NALCN: variants seen among roughly 807,000 people sequenced by gnomAD.
NALCN encodes the protein sodium leak channel, non-selective.
Under a neutral mutation model 225.3 loss-of-function variants are expected in NALCN, and 111 were observed. The ratio of observed to expected loss-of-function variants is 0.49; its 90% confidence interval spans 0.42 to 0.58. The LOEUF (loss-of-function observed/expected upper bound fraction) is 0.58. Among genes scored for constraint, NALCN ranks in the 20% least tolerant of loss-of-function variants. The pLI, the probability that NALCN is intolerant of heterozygous loss-of-function variation, is 0.00. For missense variants in NALCN, 1,378 were observed against 2,202.4 expected, an observed-to-expected ratio of 0.63 and a Z score of 7.49; for synonymous variants, 764 against 769.0, an observed-to-expected ratio of 0.99 and a Z score of 0.11.
chr13:101,358,397 G>C (rs1175219634), intron 6 of NALCN, among the ~76,000 whole-genome samples: 2 of 152,054 alleles, frequency 1.3e-5, no homozygotes, highest in African/African-American at 2.4e-5. Context: ...GATATGAACA[G>C]ACTCTTCTCA....
intron 39 of NALCN, 39 bp from the exon 40 acceptor site, chr13:101,065,600 C>T: frequency 6.3e-7 from 1 of 1,591,332 alleles, no homozygotes; most frequent in South Asian, 1.1e-5. Flanking sequence ...ATCATCAGGC[C>T]TCGATGATTC....
At chr13:101,147,417 C>A (rs1454577790) in intron 15 of NALCN, among the ~76,000 whole-genome samples, 2 of 143,364 alleles carry the variant, frequency 1.4e-5, no homozygotes. Context: ...TGCAGTGGTG[C>A]GATCTTGGCT....
intron 26 of NALCN, among the ~76,000 whole-genome samples, chr13:101,102,792 A>G (rs1212644168): frequency 6.6e-6 from 1 of 152,230 alleles, no homozygotes; most frequent in Non-Finnish European, 1.5e-5. Context: ...TGAGATTAGG[A>G]GCCCAAAAGC....
chr13:101,136,309 T>G (rs997097672), intron 17 of NALCN, among the ~76,000 whole-genome samples: 6 of 144 alleles, frequency 0.042, no homozygotes, highest in African/African-American at 0.15. Context: ...TTTATTTATT[T>G]ATTTATATAT....
intron 4 of NALCN, among the ~76,000 whole-genome samples, chr13:101,378,350 C>T (rs549806833): frequency 6.1e-4 from 93 of 152,112 alleles, no homozygotes; most frequent in South Asian, 1.7e-3. Context: ...TAAATACATA[C>T]AAGTATTACG....
intron 17 of NALCN, among the ~76,000 whole-genome samples, chr13:101,128,735 T>G (rs2036364709): frequency 6.6e-6 from 1 of 151,944 alleles, no homozygotes; most frequent in Admixed American, 6.6e-5. Flanking sequence ...GTAACATTTT[T>G]TTTTTTTTAA....
chr13:101,344,109 C>T (rs1295270497), intron 7 of NALCN, among the ~76,000 whole-genome samples: 4 of 152,268 alleles, frequency 2.6e-5, no homozygotes, highest in South Asian at 2.1e-4. Flanking sequence ...ATATACATCT[C>T]GCCTCCCATA....
intron 42 of NALCN, 86 bp from the exon 43 acceptor site, chr13:101,058,142 G>T: frequency 8.6e-7 from 1 of 1,158,406 alleles, no homozygotes; most frequent in South Asian, 1.4e-5. Context: ...ACACATGGCA[G>T]GAGGACAAGT....
chr13:101,057,777 G>A, intron 43 of NALCN, 162 bp downstream of exon 43: 1 of 665,338 alleles, frequency 1.5e-6, no homozygotes, highest in Non-Finnish European at 2.7e-6. Context: ...AGTTATTTTG[G>A]GGGACAATGT....
intron 43 of NALCN, 164 bp downstream of exon 43, chr13:101,057,775 T>TG: frequency 3.0e-6 from 2 of 661,256 alleles, no homozygotes; most frequent in South Asian, 3.4e-5. Context: ...GAAGTTATTT[T>TG]GGGGGACAAT....
At chr13:101,199,731 T>C (rs112877794) in intron 13 of NALCN, among the ~76,000 whole-genome samples, 6,957 of 151,672 alleles carry the variant, frequency 0.046, 390 homozygotes, top group African/African-American at 0.13. Context: ...CACACTAACA[T>C]GGCACATGTA....
chr13:101,284,735 T>C (rs2139011592), intron 9 of NALCN, among the ~76,000 whole-genome samples: 1 of 152,346 alleles, frequency 6.6e-6, no homozygotes, highest in South Asian at 2.1e-4. Context: ...AAATTCAAGA[T>C]GCTACAGGCC....
intron 17 of NALCN, among the ~76,000 whole-genome samples, chr13:101,141,229 G>T (rs1243044450): frequency 6.6e-6 from 1 of 152,116 alleles, no homozygotes; most frequent in East Asian, 1.9e-4. Flanking sequence ...AAGCTGAAAA[G>T]ACTCTAGTTG....
intron 14 of NALCN, among the ~76,000 whole-genome samples, chr13:101,178,032 T>C (rs190933454): frequency 9.4e-4 from 141 of 150,504 alleles, no homozygotes; most frequent in African/African-American, 3.2e-3. Flanking sequence ...AACATCACCA[T>C]GACTGGTACA....
intron 30 of NALCN, among the ~76,000 whole-genome samples, 153 bp from the exon 31 acceptor site, chr13:101,083,957 T>A (rs781043459): frequency 5.3e-5 from 8 of 152,174 alleles, no homozygotes; most frequent in Non-Finnish European, 1.0e-4. Flanking sequence ...ATGGTCAGAA[T>A]GCTCAAAGTT....
At chr13:101,207,434 C>A (rs1438209411) in intron 13 of NALCN, among the ~76,000 whole-genome samples, 2 of 152,098 alleles carry the variant, frequency 1.3e-5, no homozygotes, top group African/African-American at 4.8e-5. Context: ...TGATTTTATT[C>A]TGTTAGGCTT....
In NALCN at chr13:101,245,508, T is replaced by C. The variant is rs572398183; in HGVS notation, c.1267-7586A>G. ...CCATATTATATATCTTTTTACATAC[T>C]CTACTTTGGTTATTTGGTCTACAAG... On this transcript the variant is annotated intron_variant, in intron 11 of 43. Transcript: ENST00000251127. Among the ~76,000 whole-genome samples, 3 of 152,260 alleles carry C rather than the reference T, an allele frequency of 2.0e-5. No homozygotes were observed. In the South Asian group the frequency reaches 6.2e-4, roughly 32 times the overall value.
rs778963703 is a variant in NALCN at position 101,089,756 on chromosome 13, A to G, written c.3396T>C (p.His1132=). The G allele has an allele frequency of 6.2e-7, 1 of 1,614,066 alleles. No homozygotes were observed. The highest frequency in any genetic ancestry group is 1.7e-5 in the Admixed American group (1 of 60,026). The change falls in exon 30 of 44, where the codon CAT becomes CAC. Residue 1132 remains histidine (H), a synonymous_variant. Transcript: ENST00000251127. The surrounding 1 kb of genome is among the most constrained non-coding windows in gnomAD (Gnocchi z 4.7). ...ATACAAAAACATGAATATAGATTCC[A>G]TGGATCTGCATAAAGGAAAATATGG... is the stretch of plus-strand genomic sequence containing the variant. ...DVIIHRVGPI[H]GIYIHVFVFL...
At position 101,399,028 on chromosome 13, in the gene NALCN, A is replaced by G; in HGVS notation, c.99T>C (p.Ile33=). ...SLSDNADILW[I]NKPWVHSLLR... ...CAAAGAAGAAACTTACTGGTTTGTT[A>G]ATCCAGAGGATGTCAGCATTATCCG... The change falls in exon 2 of 44, where the codon ATT becomes ATC. Residue 33 remains isoleucine (I), a synonymous_variant. Coordinates refer to ENST00000251127, the MANE Select transcript of NALCN (RefSeq NM_052867.4). 1 of 1,580,308 alleles carries G rather than the reference A, an allele frequency of 6.3e-7. No homozygotes were observed. The highest frequency in any genetic ancestry group is 1.3e-5 in the African/African-American group (1 of 74,284).
Sources: gnomAD v4.1 joint callset for allele counts (sites outside exome capture counted in the v4.1 genomes callset) on GRCh38, gnomAD v4.1.1 for gene constraint, Gnocchi (gnomAD v3.1) non-coding constraint, MANE v1.5 for transcripts, NCBI Gene and HGNC (gene_info 2026-07-23, HGNC 2026-07-21) for gene names.